VAV3: variants seen among roughly 807,000 people sequenced by gnomAD.
The protein encoded by VAV3 is vav guanine nucleotide exchange factor 3.
A neutral mutation model predicts 131.2 loss-of-function variants in VAV3; 94 were observed. That is an observed-to-expected ratio of 0.72 (90% confidence interval 0.61 to 0.85). The LOEUF (loss-of-function observed/expected upper bound fraction) is 0.85, where lower values mean the gene tolerates loss of function less well. Among genes scored for constraint, VAV3 ranks in the 40% least tolerant of loss-of-function variants. The pLI is 0.00. For missense variants in VAV3, 939 were observed against 1,002.7 expected (o/e 0.94, Z 0.86); for synonymous variants, 349 against 342.0 (o/e 1.02, Z -0.22).
intron 12 of VAV3, among the ~76,000 whole-genome samples, chr1:107,753,900 C>G (rs903380298): frequency 3.9e-5 from 6 of 152,046 alleles, no homozygotes; most frequent in African/African-American, 1.4e-4. Context: ...AAAGGCTACA[C>G]AGCTGTCCAA....
intron 24 of VAV3, among the ~76,000 whole-genome samples, chr1:107,600,632 AT>A (rs202127664): frequency 6.6e-6 from 1 of 151,064 alleles, no homozygotes; most frequent in African/African-American, 2.4e-5. Context: ...CTCTGGCACA[AT>A]TTTTTTTTAA....
intron 25 of VAV3, among the ~76,000 whole-genome samples, chr1:107,587,696 T>G (rs1175204955): frequency 1.3e-5 from 2 of 152,182 alleles, no homozygotes; most frequent in Non-Finnish European, 2.9e-5. Context: ...GTTCAAGCAA[T>G]TCTTCTGCCT....
chr1:107,861,063 C>A (rs1292798985), intron 2 of VAV3, among the ~76,000 whole-genome samples: 1 of 151,496 alleles, frequency 6.6e-6, no homozygotes, highest in East Asian at 1.9e-4. Flanking sequence ...ATAACTGGAT[C>A]CATAATTGGA....
At chr1:107,750,077 C>G (rs72705644) in intron 13 of VAV3, among the ~76,000 whole-genome samples, 13,018 of 152,202 alleles carry the variant, frequency 0.086, 788 homozygotes, top group East Asian at 0.26. Flanking sequence ...GGGAAGGTAT[C>G]ATTGCCATCT....
intron 15 of VAV3, among the ~76,000 whole-genome samples, chr1:107,718,416 GACAA>G (rs370344091): frequency 1.6e-4 from 25 of 152,026 alleles, no homozygotes; most frequent in Non-Finnish European, 2.9e-4. Context: ...ACCAATTACA[GACAA>G]ACAGAGAGCC....
At chr1:107,941,528 G>A (rs571994018) in intron 1 of VAV3, among the ~76,000 whole-genome samples, 42 of 152,198 alleles carry the variant, frequency 2.8e-4, no homozygotes, top group African/African-American at 7.9e-4. Context: ...GGCCTGTGAC[G>A]AGCTACACCT....
Position 107,749,012 on chromosome 1 carries a change from T to C in VAV3, c.1458A>G (p.Thr486=), listed in dbSNP as rs1349022873. Residue 486 remains threonine, a synonymous_variant, in exon 15 of 27, where the codon ACA becomes ACG. Transcript: ENST00000370056. ...CTAGCCATTTCTTCTTTAAATCTTTTGTTTTGCAATAAAATTCTAACCCAT... is the reference window on the plus strand; with the variant it reads ...CTAGCCATTTCTTCTTTAAATCTTTCGTTTTGCAATAAAATTCTAACCCAT... ...GQNGLEFYCK[T]KDLKKKWLEQ... The C allele has an allele frequency of 4.3e-6, 7 of 1,612,424 alleles. No individual in the cohort carries two copies. The highest frequency in any genetic ancestry group is 2.7e-5 in the African/African-American group (2 of 74,886).
intron 8 of VAV3, 31 bp from the exon 9 acceptor site, chr1:107,765,206 A>C: frequency 6.4e-7 from 1 of 1,551,672 alleles, no homozygotes; most frequent in Non-Finnish European, 8.9e-7. Flanking sequence ...GAAATCTCTA[A>C]GACAAAAACC....
chr1:107,650,812 T>C (rs1401186306), intron 19 of VAV3, among the ~76,000 whole-genome samples: 1 of 150,626 alleles, frequency 6.6e-6, no homozygotes, highest in African/African-American at 2.4e-5. Flanking sequence ...CATGCGGTGT[T>C]TGGTTTTTTG....
intron 2 of VAV3, among the ~76,000 whole-genome samples, chr1:107,837,583 A>T (rs908968695): frequency 1.3e-5 from 2 of 152,226 alleles, no homozygotes; most frequent in Non-Finnish European, 2.9e-5. Context: ...TAGCCAAAGC[A>T]ATCTTAAGCA....
At chr1:107,617,760 G>C in intron 20 of VAV3, 128 bp from the exon 21 acceptor site, 1 of 647,068 alleles carries the variant, frequency 1.5e-6, no homozygotes, top group Non-Finnish European at 2.5e-6. Context: ...CCAGTCCTGA[G>C]CATTAACTTA....
rs1283970260 is a variant in VAV3 at position 107,727,838 on chromosome 1, T to G, written c.1502+21130A>C. Among the ~76,000 whole-genome samples, 2 of 152,208 alleles carry G rather than the reference T, an allele frequency of 1.3e-5. 1 individual carries two copies. ...ATTCTCTTAAAGCATCAATACCCTTTTTAGACTCACCATCAAACCCCAAGA... is the reference window on the plus strand; with the variant it reads ...ATTCTCTTAAAGCATCAATACCCTTGTTAGACTCACCATCAAACCCCAAGA... On this transcript the variant is annotated intron_variant, in intron 15 of 26. Transcript: ENST00000370056.
At position 107,858,696 on chromosome 1, in the gene VAV3, T is replaced by A. The variant is rs544380946; in HGVS notation, c.321+16205A>T. ...TTTCACCCCCAAACCATTCCCCCAG[T>A]ACTCGGTCCATGGAAAAATTTTCTT... On this transcript the variant is annotated intron_variant, in intron 2 of 26. Transcript: ENST00000370056. 4.6e-5 allele frequency among the ~76,000 whole-genome samples: 7 copies of A among 152,308 alleles called. 1 individual carries two copies. In the South Asian group the frequency reaches 1.5e-3, roughly 32 times the overall value.
chr1:107,632,408 C>T (rs1007744521), intron 20 of VAV3, among the ~76,000 whole-genome samples: 4 of 152,136 alleles, frequency 2.6e-5, no homozygotes, highest in African/African-American at 7.2e-5. Context: ...AGAAACTAAG[C>T]TACATAATGA....
chr1:107,670,889 A>C (rs1657740344), intron 19 of VAV3, among the ~76,000 whole-genome samples: 1 of 152,182 alleles, frequency 6.6e-6, no homozygotes, highest in African/African-American at 2.4e-5. Flanking sequence ...ATCCTTGAAC[A>C]GTTTGAGGTT....
intron 15 of VAV3, among the ~76,000 whole-genome samples, chr1:107,710,099 A>T (rs1040335947): frequency 3.3e-5 from 5 of 152,238 alleles, no homozygotes; most frequent in Non-Finnish European, 5.9e-5. Flanking sequence ...TTTTAAAATC[A>T]CTATGTCATT....
intron 25 of VAV3, among the ~76,000 whole-genome samples, chr1:107,577,340 C>T (rs762571630): frequency 2.0e-5 from 3 of 152,202 alleles, no homozygotes; most frequent in Non-Finnish European, 4.4e-5. Context: ...CAGGCACCTC[C>T]GCAGGCAGCT....
intron 1 of VAV3, among the ~76,000 whole-genome samples, chr1:107,906,588 C>T (rs1672119506): frequency 1.3e-5 from 2 of 152,106 alleles, no homozygotes; most frequent in South Asian, 4.1e-4. Flanking sequence ...ATGGCGTGAA[C>T]CCAAGAGGCA....
At chr1:107,744,499 G>A (rs1663213766) in intron 15 of VAV3, among the ~76,000 whole-genome samples, 1 of 152,076 alleles carries the variant, frequency 6.6e-6, no homozygotes, top group Non-Finnish European at 1.5e-5. Flanking sequence ...ACACTATGAA[G>A]GCTAATTCTG....
Sources: allele counts gnomAD v4.1 joint callset (sites outside exome capture counted in the v4.1 genomes callset), GRCh38; gene constraint gnomAD v4.1.1; transcripts MANE v1.5; gene names NCBI Gene and HGNC (gene_info 2026-07-23, HGNC 2026-07-21).